PLEKHA4: variants seen among roughly 807,000 people sequenced by gnomAD.
PLEKHA4 encodes pleckstrin homology domain-containing family A member 4.
In PLEKHA4, 73 loss-of-function variants were observed where a neutral mutation model predicts 94.7. The observed-to-expected ratio is 0.77, with a 90% CI of 0.64 to 0.94. The LOEUF (loss-of-function observed/expected upper bound fraction) is 0.94. PLEKHA4 is among the 40% of genes least tolerant of loss of function. The pLI, the probability that PLEKHA4 is intolerant of heterozygous loss-of-function variation, is 0.00. For missense variants in PLEKHA4, 1,049 were observed against 1,054.1 expected (o/e 1.00, Z 0.07); for synonymous variants, 449 against 437.1 (o/e 1.03, Z -0.34).
Position 48,867,488 on chromosome 19 carries a change from G to A in PLEKHA4, c.84+49C>T. The A allele has an allele frequency of 1.3e-6, 2 of 1,544,690 alleles. No homozygotes were observed. Among genetic ancestry groups the A allele is most frequent in the Non-Finnish European group, 1.8e-6 (2 of 1,140,696 alleles). On this transcript the variant is annotated intron_variant, in intron 2 of 19. Transcript: ENST00000263265. This position sits in a 1 kb window ranked among gnomAD's most constrained non-coding sequence, Gnocchi z 4.7. Reference sequence around the variant, plus strand: ...AGTCCTTGGGGAAACAGAAGGATGGGCGGCCCAGAGCCCCACCTTCCTCCC... The same window carrying A: ...AGTCCTTGGGGAAACAGAAGGATGGACGGCCCAGAGCCCCACCTTCCTCCC...
At chr19:48,839,330 G>A in intron 17 of PLEKHA4, 67 bp from the exon 18 acceptor site, 1 of 1,105,662 alleles carries the variant, frequency 9.0e-7, no homozygotes, top group Non-Finnish European at 1.3e-6. Flanking sequence ...TGAGGGTGAA[G>A]TGAAGGGGGC....
Position 48,856,934 on chromosome 19 carries a change from GAAAAGA to G in PLEKHA4, c.1047+482_1047+487del, listed in dbSNP as rs1197533298. 4.0e-5 allele frequency among the ~76,000 whole-genome samples: 5 copies of G among 124,176 alleles called. No homozygotes were observed. In the East Asian group the frequency reaches 1.0e-3, roughly 25 times the overall value. The allele number at this position is 124,176 out of a possible 152,430, so 81.5% of individuals were successfully genotyped here. ...AAAAAAAAGAAAGAAAGAAAGAAAA[GAAAAGA>G]AAAAGAAAGAGAAAGAAAGAAAGAA... On this transcript the variant is annotated intron_variant, in intron 9 of 19. Transcript: ENST00000263265.
intron 13 of PLEKHA4, among the ~76,000 whole-genome samples, chr19:48,851,128 G>A (rs545875923): frequency 8.2e-4 from 124 of 151,930 alleles, no homozygotes; most frequent in Non-Finnish European, 1.7e-3. Flanking sequence ...GCAATAAAGC[G>A]AGACTGTCTC....
chr19:48,861,394 G>T lies in PLEKHA4; in HGVS notation c.366+7C>A. 6.2e-7 allele frequency: 1 copy of T among 1,610,086 alleles called. No individual in the cohort carries two copies. Among genetic ancestry groups the T allele is most frequent in the South Asian group, 1.1e-5 (1 of 90,978 alleles). ...GCCTGGTGCACAACATGGATGGATG[G>T]ACTCACGGTGAAGGTGAAGCGCCGC... On this transcript the variant is annotated splice_region_variant and intron_variant, in intron 5 of 19. Coordinates refer to ENST00000263265, the MANE Select transcript of PLEKHA4 (RefSeq NM_020904.3).
At chr19:48,861,148 C>T (rs1025757221) in intron 5 of PLEKHA4, among the ~76,000 whole-genome samples, 1 of 151,560 alleles carries the variant, frequency 6.6e-6, no homozygotes, top group African/African-American at 2.4e-5. Context: ...GCGGAGGTTG[C>T]AGTGAGCCGA....
At position 48,839,047 on chromosome 19, in the gene PLEKHA4, T is replaced by G. The variant is rs567965315; in HGVS notation, c.1964+158A>C. 5.9e-5 allele frequency among the ~76,000 whole-genome samples: 9 copies of G among 152,136 alleles called. 1 individual carries two copies. Among genetic ancestry groups the G allele is most frequent in the Non-Finnish European group, 1.2e-4 (8 of 68,030 alleles). On this transcript the variant is annotated intron_variant, in intron 18 of 19. Coordinates refer to ENST00000263265, the MANE Select transcript of PLEKHA4 (RefSeq NM_020904.3). ...AAAGATATCACTACGGATCTAGGGC[T>G]TTCTGGTTTTGTTGCAGATGCCCCG...
At position 48,837,178 on chromosome 19, in the gene PLEKHA4, C is replaced by A. The variant is rs2035556794; in HGVS notation, c.*111G>T. The stretch of plus-strand genomic sequence containing the variant: ...CCATAGAAACCATTCCCCTCCCGGG[C>A]CCGCAATGGGGACCAGACCACGCCC... On this transcript the variant is annotated 3_prime_UTR_variant, in exon 20 of 20. Coordinates refer to ENST00000263265, the MANE Select transcript of PLEKHA4 (RefSeq NM_020904.3). The surrounding 1 kb of genome is among the most constrained non-coding windows in gnomAD (Gnocchi z 4.3). 3 of 1,495,374 alleles carry A rather than the reference C, an allele frequency of 2.0e-6. No homozygotes were observed. The highest frequency in any genetic ancestry group is 2.8e-6 in the Non-Finnish European group (3 of 1,084,644). 92.6% of individuals were successfully genotyped at this position (1,495,374 alleles called of 1,614,324 possible).
chr19:48,861,330 T>G, intron 5 of PLEKHA4, 71 bp downstream of exon 5: 1 of 1,333,502 alleles, frequency 7.5e-7, no homozygotes, highest in East Asian at 2.3e-5. Context: ...TGGAGTTTCC[T>G]CGACAGATAT....
chr19:48,859,516 T>G lies in PLEKHA4; in HGVS notation c.645A>C (p.Thr215=). The G allele has an allele frequency of 6.2e-7, 1 of 1,613,892 alleles. No individual in the cohort carries two copies. The highest frequency in any genetic ancestry group is 8.5e-7 in the Non-Finnish European group (1 of 1,179,976). Residue 215 remains threonine (T), a synonymous_variant, in exon 7 of 20, where the codon ACA becomes ACC. Transcript: ENST00000263265. ...TCTGGAGTCCAGAGTGGAGGTCGGTTGTGGGGCTGGGAGTGAGCAGCCTGG... is the reference window on the plus strand; with the variant it reads ...TCTGGAGTCCAGAGTGGAGGTCGGTGGTGGGGCTGGGAGTGAGCAGCCTGG... The part of the protein sequence containing the change: ...GRPRLLTPSP[T]TDLHSGLQMR...
intron 14 of PLEKHA4, among the ~76,000 whole-genome samples, chr19:48,846,302 T>A (rs1192109104): frequency 1.3e-5 from 2 of 148,368 alleles, no homozygotes; most frequent in Non-Finnish European, 3.0e-5. Context: ...AAAAAAAAAA[T>A]TAGCCGGGCG....
chr19:48,857,582 C>T (rs1473555373), intron 8 of PLEKHA4, 86 bp from the exon 9 acceptor site: 19 of 769,832 alleles, frequency 2.5e-5, no homozygotes, highest in Non-Finnish European at 3.1e-5. Context: ...AAAAATTCTT[C>T]TGCCTTGGGA....
Position 48,838,063 on chromosome 19 carries a change from G to A in PLEKHA4, c.2031C>T (p.Ser677=), listed in dbSNP as rs1192726307. The A allele has an allele frequency of 6.2e-7, 1 of 1,613,674 alleles. No homozygotes were observed. The highest frequency in any genetic ancestry group is 1.3e-5 in the African/African-American group (1 of 74,804). The change falls in exon 19 of 20, where the codon TCC becomes TCT. Residue 677 remains serine (S), a synonymous_variant. Coordinates refer to ENST00000263265, the MANE Select transcript of PLEKHA4 (RefSeq NM_020904.3). ...GCGACGCCTCAGTAGCCAGGGCTTG[G>A]GAGAGGCTGAGAACCCGCTCCCGGT... ...EGHRERVLSL[S]QALATEASQW... is the part of the protein sequence containing the mutation.
chr19:48,865,440 G>A (rs1323300974), intron 3 of PLEKHA4, 63 bp downstream of exon 3: 27 of 1,268,142 alleles, frequency 2.1e-5, no homozygotes, highest in Middle Eastern at 1.9e-4. Context: ...CTTGCAAGGA[G>A]AGAGACAGAG....
At chr19:48,866,207 G>A (rs2036830558) in intron 2 of PLEKHA4, among the ~76,000 whole-genome samples, 1 of 151,334 alleles carries the variant, frequency 6.6e-6, no homozygotes, top group South Asian at 2.1e-4. Flanking sequence ...AGCCTCCCAT[G>A]TAGCTGGGAC....
rs758629819 is a variant in PLEKHA4, at chr19:48,867,521, G to T, written c.84+16C>A. The T allele has an allele frequency of 1.9e-6, 3 of 1,583,702 alleles. No homozygotes were observed. Among genetic ancestry groups the T allele is most frequent in the Admixed American group, 1.9e-5 (1 of 54,016 alleles). ...GAGCCCCACCTTCCTCCCCATCCCC[G>T]CCAGGAAGCTCAAACCTTGGGGCTC... On this transcript the variant is annotated intron_variant, in intron 2 of 19. Coordinates refer to ENST00000263265, the MANE Select transcript of PLEKHA4 (RefSeq NM_020904.3). This position sits in a 1 kb window ranked among gnomAD's most constrained non-coding sequence, Gnocchi z 4.7.
rs569488949 is a variant in PLEKHA4, at chr19:48,868,577, T to A, written c.-501A>T. The A allele has an allele frequency of 6.6e-6, 1 of 152,614 alleles. No individual in the cohort carries two copies. Among genetic ancestry groups the A allele is most frequent in the South Asian group, 2.1e-4 (1 of 4,812 alleles). 9.5% of individuals were successfully genotyped at this position (152,614 alleles called of 1,614,324 possible). On this transcript the variant is annotated 5_prime_UTR_variant, in exon 1 of 20. Transcript: ENST00000263265. ...CTCTTTCCGATTTCCCTTCTCACTT[T>A]CTCCCTTCCTCCCTCTCCCAGTTTC...
At chr19:48,857,608 A>G (rs1031999076) in intron 8 of PLEKHA4, 112 bp from the exon 9 acceptor site, 6 of 667,894 alleles carry the variant, frequency 9.0e-6, no homozygotes, top group African/African-American at 5.6e-5. Context: ...TTGATCTATG[A>G]CCTTACCCCC....
Position 48,857,470 on chromosome 19 carries a change from G to A in PLEKHA4, c.999C>T (p.Leu333=), listed in dbSNP as rs757685975. The A allele has an allele frequency of 1.7e-5, 27 of 1,566,504 alleles. No homozygotes were observed. The highest frequency in any genetic ancestry group is 2.3e-5 in the Non-Finnish European group (27 of 1,159,072). ...TCCCAGGGGGCCGCGGGGGGAGCTG[G>A]AGATAAGTGGGGGAGCCAGAGTGTG... The part of the protein sequence containing the change: ...TQAHSGSPTY[L]QLPPRPPGTR... Residue 333 remains leucine, a synonymous_variant, in exon 9 of 20, where the codon CTC becomes CTT. Transcript: ENST00000263265.
rs60910939 is a variant in PLEKHA4 at position 48,844,119 on chromosome 19, T to TTTATTA, written c.1743+1245_1743+1250dup. Among the ~76,000 whole-genome samples, 1,107 of 134,858 alleles carry TTTATTA rather than the reference T, an allele frequency of 8.2e-3. 8 individuals carry two copies. Among genetic ancestry groups the TTTATTA allele is most frequent in the Non-Finnish European group, 9.3e-3 (597 of 64,288 alleles). The allele number at this position is 134,858 out of a possible 152,430, so 88.5% of individuals were successfully genotyped here. On this transcript the variant is annotated intron_variant, in intron 16 of 19. Transcript: ENST00000263265. ...ACTGGCCAAGAAATGCCTTATTTATTTTATTATTATTATTATTATTATTAT... is the reference window on the plus strand; with the variant it reads ...ACTGGCCAAGAAATGCCTTATTTATTTTATTATTATTATTATTATTATTATTATTAT...
Sources: gnomAD v4.1 joint callset for allele counts (sites outside exome capture counted in the v4.1 genomes callset) on GRCh38, gnomAD v4.1.1 for gene constraint, Gnocchi (gnomAD v3.1) non-coding constraint, MANE v1.5 for transcripts, NCBI Gene and HGNC (gene_info 2026-07-23, HGNC 2026-07-21) for gene names.